TTC19: variants seen among roughly 807,000 people sequenced by gnomAD.
The protein encoded by TTC19 is tetratricopeptide repeat domain 19, also known as tetratricopeptide repeat protein 19, mitochondrial.
A neutral mutation model predicts 49.5 loss-of-function variants in TTC19; 38 were observed. The ratio of observed to expected loss-of-function variants is 0.77; its 90% CI spans 0.59 to 1.01. TTC19 has a LOEUF of 1.01. TTC19 is among the 50% of genes least tolerant of loss of function. TTC19 has a pLI of 0.00. For missense variants in TTC19, 475 were observed against 477.7 expected (o/e 0.99, Z 0.05); for synonymous variants, 204 against 185.2 (o/e 1.10, Z -0.83).
At chr17:16,001,424 C>T (rs1439943597) in intron 2 of TTC19, among the ~76,000 whole-genome samples, 1 of 152,126 alleles carries the variant, frequency 6.6e-6, no homozygotes, top group East Asian at 1.9e-4. Context: ...TCATTGTTCT[C>T]CCCAGGTCCT....
chr17:16,029,306 A>C lies in TTC19; in HGVS notation c.*1784A>C. ...CAGTTCATTTACACTGTTGTAAAAT[A>C]AGGTACTGAAGCAAAAGGAGGACTG... is the stretch of plus-strand genomic sequence containing the variant. On this transcript the variant is annotated 3_prime_UTR_variant, in exon 10 of 10. Coordinates refer to ENST00000261647, the MANE Select transcript of TTC19 (RefSeq NM_017775.4). The C allele has an allele frequency of 2.2e-6, 1 of 447,212 alleles. No homozygotes were observed. Among genetic ancestry groups the C allele is most frequent in the South Asian group, 1.6e-5 (1 of 62,128 alleles). The allele number at this position is 447,212 out of a possible 1,614,324, so 27.7% of individuals were successfully genotyped here. A position where few individuals can be genotyped will look rare whatever the true frequency, so the allele number is the denominator to read the frequency against.
intron 7 of TTC19, among the ~76,000 whole-genome samples, chr17:16,015,925 T>G (rs1971200488): frequency 6.6e-6 from 1 of 152,196 alleles, no homozygotes; most frequent in African/African-American, 2.4e-5. Context: ...GCCATTTTAT[T>G]TATAGTTTCT....
chr17:16,020,477 A>T (rs1268683171), intron 7 of TTC19, among the ~76,000 whole-genome samples: 1 of 152,166 alleles, frequency 6.6e-6, no homozygotes, highest in Non-Finnish European at 1.5e-5. Context: ...GATGTAGATT[A>T]AAAATTTGTA....
At chr17:16,014,450 C>T (rs1272264205) in intron 7 of TTC19, among the ~76,000 whole-genome samples, 1 of 152,216 alleles carries the variant, frequency 6.6e-6, no homozygotes, top group Admixed American at 6.5e-5. Context: ...TAGTTTTCTT[C>T]ATATAGATGA....
intron 2 of TTC19, among the ~76,000 whole-genome samples, chr17:16,039,064 C>T (rs1046226241): frequency 7.2e-5 from 11 of 152,242 alleles, no homozygotes; most frequent in Non-Finnish European, 1.0e-4. Context: ...CCACCGCACC[C>T]GGCTGGCTTA....
chr17:16,035,093 A>C lies in TTC19; in HGVS notation c.247+8391A>C, dbSNP rs189814022. The stretch of plus-strand genomic sequence containing the variant: ...GGTACTCAATGAAATAAAATACTAC[A>C]GGCATACCTCAGAGATACTGAGGGT... On this transcript the variant is annotated intron_variant, in intron 2 of 2. Coordinates refer to the TTC19 transcript ENST00000470649. 28 of 744,408 alleles carry C rather than the reference A, an allele frequency of 3.8e-5. No homozygotes were observed. In the Admixed American group the frequency reaches 6.3e-4, roughly 17 times the overall value. The allele number at this position is 744,408 out of a possible 1,614,324, so 46.1% of individuals were successfully genotyped here.
rs2151648172 is a variant in TTC19, at chr17:16,003,819, T to G, written c.463-12T>G. 5 of 1,612,892 alleles carry G rather than the reference T, an allele frequency of 3.1e-6. No homozygotes were observed. Among genetic ancestry groups the G allele is most frequent in the Non-Finnish European group, 4.2e-6 (5 of 1,179,184 alleles). On this transcript the variant is annotated splice_polypyrimidine_tract_variant and intron_variant, in intron 4 of 9. Coordinates refer to ENST00000261647, the MANE Select transcript of TTC19 (RefSeq NM_017775.4). The stretch of plus-strand genomic sequence containing the variant: ...CCCAATTAAAAGAAAAATCTTTTCC[T>G]TATGCTTTTAGGCTGAACAACTTTT...
rs774851485 is a variant in TTC19, at chr17:16,026,706, G to C, written c.994+4G>C. 2 of 1,614,002 alleles carry C rather than the reference G, an allele frequency of 1.2e-6. No individual in the cohort carries two copies. Among genetic ancestry groups the C allele is most frequent in the East Asian group, 4.5e-5 (2 of 44,878 alleles). ...GCTGCAGTTTTGATGCACAGAGGTAGGTAGCAATGTAAACTTAACTGACTT... is the reference window on the plus strand; with the variant it reads ...GCTGCAGTTTTGATGCACAGAGGTACGTAGCAATGTAAACTTAACTGACTT... On this transcript the variant is annotated splice_donor_region_variant and intron_variant, in intron 9 of 9. Coordinates refer to ENST00000261647, the MANE Select transcript of TTC19 (RefSeq NM_017775.4).
At chr17:16,034,830 T>G in intron 2 of TTC19, 1 of 1,614,086 alleles carries the variant, frequency 6.2e-7, no homozygotes, top group Non-Finnish European at 8.5e-7. Flanking sequence ...CCCTTCTGAA[T>G]GTACAGAGGA....
At chr17:16,042,260 A>AC (rs1335020377) in intron 2 of TTC19, among the ~76,000 whole-genome samples, 7 of 152,130 alleles carry the variant, frequency 4.6e-5, no homozygotes, top group Admixed American at 2.6e-4. Flanking sequence ...TGAGCCTGAA[A>AC]CAGCAGAGCC....
rs528538251 is a variant in TTC19, at chr17:16,034,505, C to G, written c.247+7803C>G. 8.2e-4 allele frequency among the ~76,000 whole-genome samples: 125 copies of G among 152,096 alleles called. 1 individual carries two copies. Among genetic ancestry groups the G allele is most frequent in the African/African-American group, 3.0e-3 (124 of 41,492 alleles). ...CGCCTGTAGTCCCAGCTACTTGGGT[C>G]GCTCAGGTGAGAGGATCACCTGAGC... On this transcript the variant is annotated intron_variant, in intron 2 of 2. Coordinates refer to the TTC19 transcript ENST00000470649.
At chr17:16,012,015 G>T (rs2151660190) in intron 7 of TTC19, among the ~76,000 whole-genome samples, 2 of 150,754 alleles carry the variant, frequency 1.3e-5, no homozygotes, top group Non-Finnish European at 2.9e-5. Context: ...AAACAGTGAG[G>T]TTTATCTTTT....
Position 16,027,359 on chromosome 17 carries a change from T to G in TTC19, c.995-15T>G. On this transcript the variant is annotated splice_polypyrimidine_tract_variant and intron_variant, in intron 9 of 9. Transcript: ENST00000261647. ...CACTTTCTTCTTACTGTCCCTTCTC[T>G]CTGGGTTATTTTAGAACGATATACA... 1 of 1,613,838 alleles carries G rather than the reference T, an allele frequency of 6.2e-7. No homozygotes were observed. The highest frequency in any genetic ancestry group is 1.1e-5 in the South Asian group (1 of 91,060).
At chr17:16,014,331 CAT>C (rs1258810247) in intron 7 of TTC19, among the ~76,000 whole-genome samples, 2 of 152,166 alleles carry the variant, frequency 1.3e-5, no homozygotes, top group Non-Finnish European at 2.9e-5. Flanking sequence ...GGATGTGAGT[CAT>C]GTGAGAAAAG....
At position 15,999,872 on chromosome 17, in the gene TTC19, C is replaced by T. The variant is rs771615256; in HGVS notation, c.24C>T (p.Ser8=). 1.0e-5 allele frequency: 15 copies of T among 1,459,332 alleles called. No homozygotes were observed. The East Asian group carries it at 2.5e-4, about 24-fold the overall frequency. 90.4% of individuals were successfully genotyped at this position (1,459,332 alleles called of 1,614,324 possible). A position where few individuals can be genotyped will look rare whatever the true frequency, so the allele number is the denominator to read the frequency against. MFRLLSW[S]LGRGFLRAAG... ...GCATGTTCCGGCTCCTGAGCTGGAG[C>T]CTGGGCCGAGGCTTCCTGCGGGCCG... The change falls in exon 1 of 10, where the codon AGC becomes AGT. Residue 8 remains serine, a synonymous_variant. Transcript: ENST00000261647.
At chr17:16,044,836 T>C (rs1597774937) in exon 3 of TTC19, 2 of 1,051,198 alleles carry the variant, frequency 1.9e-6, no homozygotes. Flanking sequence ...CTCCAGCAGC[T>C]GGTGCTGCAC....
chr17:16,012,209 C>A (rs1352063068), intron 7 of TTC19, among the ~76,000 whole-genome samples: 1 of 151,950 alleles, frequency 6.6e-6, no homozygotes, highest in African/African-American at 2.4e-5. Context: ...TGAGAATTGG[C>A]GAGGGACAGT....
At chr17:16,036,979 C>CTT (rs2056521243) in intron 2 of TTC19, among the ~76,000 whole-genome samples, 1 of 152,222 alleles carries the variant, frequency 6.6e-6, no homozygotes, top group South Asian at 2.1e-4. Context: ...TTCAACATGC[C>CTT]TTTCTCACTA....
At position 16,028,241 on chromosome 17, in the gene TTC19, ACTTC is replaced by A. The variant is rs1185228125; in HGVS notation, c.*723_*726del. On this transcript the variant is annotated 3_prime_UTR_variant, in exon 10 of 10. Coordinates refer to ENST00000261647, the MANE Select transcript of TTC19 (RefSeq NM_017775.4). ...TTTGTCTGTGTTATCTGAACACTCTACTTCCTTTGCAGCCTTAGTCACACAACTG... is the reference window on the plus strand; with the variant it reads ...TTTGTCTGTGTTATCTGAACACTCTACTTTGCAGCCTTAGTCACACAACTG... 1 of 454,102 alleles carries A rather than the reference ACTTC, an allele frequency of 2.2e-6. No individual in the cohort carries two copies. The highest frequency in any genetic ancestry group is 1.6e-5 in the South Asian group (1 of 64,474). 28.1% of individuals were successfully genotyped at this position (454,102 alleles called of 1,614,324 possible).
Sources: allele counts gnomAD v4.1 joint callset (sites outside exome capture counted in the v4.1 genomes callset), GRCh38; gene constraint gnomAD v4.1.1; transcripts MANE v1.5; gene names NCBI Gene and HGNC (gene_info 2026-07-23, HGNC 2026-07-21).